Variants in RNF2 observed in about 807,000 individuals in gnomAD.
RNF2 encodes the protein ring finger protein 2, also known as E3 ubiquitin-protein ligase RING2.
Under a neutral mutation model 37.2 loss-of-function variants are expected in RNF2, and 6 were observed. That is an observed-to-expected ratio of 0.16 (90% confidence interval 0.09 to 0.32). The LOEUF (loss-of-function observed/expected upper bound fraction) is 0.32, where lower values mean the gene tolerates loss of function less well. RNF2 is among the 10% of genes least tolerant of loss of function. The pLI is 1.00. For synonymous variants in RNF2, 133 were observed against 132.7 expected (o/e 1.00, Z -0.02); for missense variants, 251 against 404.0 (o/e 0.62, Z 3.25).
At chr1:185,098,491 C>A in intron 5 of RNF2, 147 bp downstream of exon 5, 1 of 944,444 alleles carries the variant, frequency 1.1e-6, no homozygotes, top group Non-Finnish European at 1.6e-6. Flanking sequence ...TTGTTGTTTT[C>A]TTCCTTCCTC....
rs768356678 is a variant in RNF2, at chr1:185,101,832, GTT to G, written c.*1552_*1553del. ...AATATTTAAAATCTGTTTTTACAGGGTTTTTTTTTTTTTTTTTTTTTTGTAAT... is the reference window on the plus strand; with the variant it reads ...AATATTTAAAATCTGTTTTTACAGGGTTTTTTTTTTTTTTTTTTTTGTAAT... On this transcript the variant is annotated 3_prime_UTR_variant, in exon 7 of 7. Coordinates refer to ENST00000367510, the MANE Select transcript of RNF2 (RefSeq NM_007212.4). 2.8e-3 allele frequency: 275 copies of G among 97,884 alleles called. No homozygotes were observed. In the Middle Eastern group the frequency reaches 0.031, roughly 11 times the overall value. The allele number at this position is 97,884 out of a possible 1,614,324, so 6.1% of individuals were successfully genotyped here.
chr1:185,062,989 A>C (rs1650658515), intron 1 of RNF2, among the ~76,000 whole-genome samples: 1 of 152,166 alleles, frequency 6.6e-6, no homozygotes, highest in Non-Finnish European at 1.5e-5. Context: ...TGGTATAATA[A>C]TTTAGCAGTA....
intron 1 of RNF2, among the ~76,000 whole-genome samples, chr1:185,070,799 G>A (rs1054089326): frequency 1.6e-4 from 24 of 151,702 alleles, no homozygotes; most frequent in Admixed American, 1.3e-4. Context: ...CCACCTCGCC[G>A]GCTCATTTTT....
chr1:185,092,464 C>T (rs866757883), intron 3 of RNF2, among the ~76,000 whole-genome samples: 13 of 152,224 alleles, frequency 8.5e-5, no homozygotes, highest in Middle Eastern at 6.8e-3. Flanking sequence ...CGTGAGCCAC[C>T]GTGCCTAGCC....
chr1:185,094,128 T>C (rs1651846059), intron 4 of RNF2, among the ~76,000 whole-genome samples: 1 of 149,974 alleles, frequency 6.7e-6, no homozygotes, highest in Non-Finnish European at 1.5e-5. Flanking sequence ...AACTTTGGAG[T>C]CAGTTTTTTT....
Position 185,094,366 on chromosome 1 carries a change from C to G in RNF2, c.464+1090C>G, listed in dbSNP as rs1651854131. Reference sequence around the variant, plus strand: ...ACCATATTGGCGAGGCTGGTCTCAACTCCTGACCTTGTGATCTGCCTGCCT... The same window carrying G: ...ACCATATTGGCGAGGCTGGTCTCAAGTCCTGACCTTGTGATCTGCCTGCCT... On this transcript the variant is annotated intron_variant, in intron 4 of 6. Coordinates refer to ENST00000367510, the MANE Select transcript of RNF2 (RefSeq NM_007212.4). Among the ~76,000 whole-genome samples, 4 of 152,192 alleles carry G rather than the reference C, an allele frequency of 2.6e-5. No homozygotes were observed. In the South Asian group the frequency reaches 8.3e-4, roughly 32 times the overall value.
chr1:185,089,052 G>A (rs1420336532), intron 2 of RNF2, among the ~76,000 whole-genome samples: 2 of 150,518 alleles, frequency 1.3e-5, no homozygotes, highest in Non-Finnish European at 3.0e-5. Context: ...TGGATTGGAG[G>A]TGGGTGGGTG....
intron 1 of RNF2, among the ~76,000 whole-genome samples, chr1:185,081,800 C>G (rs941095973): frequency 6.6e-6 from 1 of 152,024 alleles, no homozygotes; most frequent in Admixed American, 6.6e-5. Context: ...CAGTGCCAGC[C>G]GTGGGCATTG....
At chr1:185,097,388 A>G (rs1651942789) in intron 4 of RNF2, among the ~76,000 whole-genome samples, 1 of 152,208 alleles carries the variant, frequency 6.6e-6, no homozygotes, top group Non-Finnish European at 1.5e-5. Context: ...TTCCTTAAGA[A>G]TTTCTTTAAA....
At chr1:185,093,779 T>C (rs528679598) in intron 4 of RNF2, among the ~76,000 whole-genome samples, 2 of 152,378 alleles carry the variant, frequency 1.3e-5, no homozygotes, top group South Asian at 2.1e-4. Context: ...TGTCATTAAC[T>C]GTTCCTTTAC....
At chr1:185,079,159 A>G (rs1651272431) in intron 1 of RNF2, among the ~76,000 whole-genome samples, 1 of 146,274 alleles carries the variant, frequency 6.8e-6, no homozygotes, top group South Asian at 2.1e-4. Flanking sequence ...CTTACTTTTC[A>G]TTTATACATT....
At chr1:185,092,024 C>G (rs1272177466) in intron 3 of RNF2, 1 of 244,312 alleles carries the variant, frequency 4.1e-6, no homozygotes, top group Admixed American at 5.3e-5. Flanking sequence ...GGGGTTTCAA[C>G]TTGTTGGCCA....
intron 1 of RNF2, among the ~76,000 whole-genome samples, chr1:185,057,436 C>T (rs1650466270): frequency 6.6e-6 from 1 of 151,768 alleles, no homozygotes. Flanking sequence ...CATTGTGGTT[C>T]GTTTATAAGT....
chr1:185,052,529 T>C (rs2102151438), intron 1 of RNF2, among the ~76,000 whole-genome samples: 1 of 152,260 alleles, frequency 6.6e-6, no homozygotes, highest in Non-Finnish European at 1.5e-5. Context: ...ATCCATAGAT[T>C]GGTGGTTGCC....
intron 1 of RNF2, among the ~76,000 whole-genome samples, chr1:185,059,065 A>C (rs1288392846): frequency 1.3e-5 from 2 of 152,090 alleles, no homozygotes; most frequent in East Asian, 3.8e-4. Flanking sequence ...CAGCCTTTGA[A>C]ACCTCTGGAG....
intron 2 of RNF2, 100 bp from the exon 3 acceptor site, chr1:185,091,479 A>G (rs1026130754): frequency 2.3e-5 from 28 of 1,204,756 alleles, no homozygotes; most frequent in Non-Finnish European, 3.1e-5. Flanking sequence ...TGATGGGTAC[A>G]TATATGTTTG....
At chr1:185,047,801 T>C (rs1368794365) in intron 1 of RNF2, among the ~76,000 whole-genome samples, 9 of 152,250 alleles carry the variant, frequency 5.9e-5, no homozygotes, top group African/African-American at 1.9e-4. Context: ...GATTATGTAC[T>C]CTGCGCACGT....
intron 1 of RNF2, among the ~76,000 whole-genome samples, chr1:185,073,021 T>G (rs1023320304): frequency 1.3e-5 from 2 of 150,110 alleles, no homozygotes; most frequent in Non-Finnish European, 3.0e-5. Flanking sequence ...TTTAATTGCT[T>G]AAATAGGATG....
chr1:185,099,984 C>G lies in RNF2; in HGVS notation c.909+22C>G, dbSNP rs374875148. Reference sequence around the variant, plus strand: ...CACTGTGAGTATTTAAAATAATAGACTGTTGAAACTGGGAGCACACTGACC... The same window carrying G: ...CACTGTGAGTATTTAAAATAATAGAGTGTTGAAACTGGGAGCACACTGACC... On this transcript the variant is annotated intron_variant, in intron 6 of 6. Coordinates refer to ENST00000367510, the MANE Select transcript of RNF2 (RefSeq NM_007212.4). 2.0e-5 allele frequency: 32 copies of G among 1,593,542 alleles called. No individual in the cohort carries two copies. The South Asian group carries it at 2.8e-4, about 14-fold the overall frequency.
Sources: gnomAD v4.1 joint callset for allele counts (sites outside exome capture counted in the v4.1 genomes callset) on GRCh38, gnomAD v4.1.1 for gene constraint, MANE v1.5 for transcripts, NCBI Gene and HGNC (gene_info 2026-07-23, HGNC 2026-07-21) for gene names.